The following TNNT3 variants were observed in gnomAD, a reference collection of about 807,000 sequenced individuals.
TNNT3 encodes the protein troponin T, fast skeletal muscle.
TNNT3 carries 36 observed loss-of-function variants against 54.2 expected under a neutral mutation model. That is an observed-to-expected ratio of 0.66 (90% CI 0.51 to 0.88). The LOEUF is 0.88. TNNT3 is among the 40% of genes least tolerant of loss of function. The pLI is 0.00. For synonymous variants in TNNT3, 120 were observed against 109.7 expected, an observed-to-expected ratio of 1.09 and a Z score of -0.59; for missense variants, 291 against 331.6, an observed-to-expected ratio of 0.88 and a Z score of 0.95.
intron 3 of TNNT3, 120 bp from the exon 4 acceptor site, chr11:1,923,435 T>C: frequency 4.5e-6 from 5 of 1,108,694 alleles, no homozygotes; most frequent in South Asian, 1.2e-5. Flanking sequence ...TTCCACGCTC[T>C]TGGGCAGGGG....
At chr11:1,923,087 T>C (rs923285171) in intron 3 of TNNT3, 26 bp downstream of exon 3, 1 of 1,613,920 alleles carries the variant, frequency 6.2e-7, no homozygotes, top group Non-Finnish European at 8.5e-7. Flanking sequence ...ATTTTCTTTC[T>C]ACTTCCTGCT....
At chr11:1,927,911 C>A (rs1852090217) in intron 6 of TNNT3, 1 of 152,340 alleles carries the variant, frequency 6.6e-6, no homozygotes, top group African/African-American at 2.4e-5. Context: ...GCTCAGGATG[C>A]CCCACCGCTC....
intron 8 of TNNT3, among the ~76,000 whole-genome samples, chr11:1,931,934 A>AGGAGGGGACTGCACACCCAGCC (rs1254869460): frequency 2.0e-5 from 3 of 152,078 alleles, no homozygotes; most frequent in Non-Finnish European, 4.4e-5. Flanking sequence ...TATTGGTGAG[A>AGGAGGGGACTGCACACCCAGCC]GGAGGGGACT....
chr11:1,926,580 T>C, intron 5 of TNNT3, 115 bp from the exon 6 acceptor site: 1 of 1,607,830 alleles, frequency 6.2e-7, no homozygotes, highest in South Asian at 1.1e-5. Context: ...CTGCACAGCC[T>C]GGCCTGCTCG....
At chr11:1,929,170 G>A in intron 7 of TNNT3, 27 bp downstream of exon 7, 1 of 1,611,886 alleles carries the variant, frequency 6.2e-7, no homozygotes, top group Non-Finnish European at 8.5e-7. Context: ...GCCGCCGGAG[G>A]TGCAGGACCC....
rs200704716 is a variant in TNNT3 at position 1,933,777 on chromosome 11, C to A, written c.228C>A (p.Asp76Glu). 13 of 1,612,984 alleles carry A rather than the reference C, an allele frequency of 8.1e-6. No individual in the cohort carries two copies. Among genetic ancestry groups the A allele is most frequent in the Non-Finnish European group, 1.1e-5 (13 of 1,179,936 alleles). The change falls in exon 10 of 16, where the codon GAC (aspartate) becomes GAA (glutamate). Residue 76 changes from aspartate (D) to glutamate (E), a missense_variant. By Grantham distance (45) the Asp-to-Glu change is conservative. Transcript: ENST00000278317. ...TAATGGAGCTCCAGGCCCTCATCGA[C>A]AGCCACTTTGAAGCCCGGAAGAAGG... is the stretch of plus-strand genomic sequence containing the variant. Reference protein sequence around the residue: ...KDLMELQALIDSHFEARKKEE... With the variant: ...KDLMELQALIESHFEARKKEE...
At position 1,929,208 on chromosome 11, in the gene TNNT3, G is replaced by A. The variant is rs1422247277; in HGVS notation, c.106+65G>A. The stretch of plus-strand genomic sequence containing the variant: ...GCTCTAGCCGACGCGAGGGAAAGAG[G>A]ACAGGCTGGGGTCTCTCGCTGCCCT... On this transcript the variant is annotated intron_variant, in intron 7 of 15. Transcript: ENST00000278317. 8.9e-6 allele frequency: 14 copies of A among 1,580,940 alleles called. No individual in the cohort carries two copies. The East Asian group carries it at 1.8e-4, about 20-fold the overall frequency.
At chr11:1,923,651 A>AC (rs1850715318) in intron 4 of TNNT3, 79 bp downstream of exon 4, 4 of 854,878 alleles carry the variant, frequency 4.7e-6, no homozygotes, top group South Asian at 4.0e-5. Context: ...CGCTCACAGA[A>AC]CCCCCTCCCC....
At chr11:1,932,539 C>T (rs1853695384) in intron 9 of TNNT3, 25 bp downstream of exon 9, 2 of 1,612,222 alleles carry the variant, frequency 1.2e-6, no homozygotes, top group African/African-American at 1.3e-5. Flanking sequence ...CTCTGGTTAA[C>T]ATGTCCACGG....
chr11:1,920,144 C>T (rs1335105327), intron 1 of TNNT3, among the ~76,000 whole-genome samples: 1 of 152,146 alleles, frequency 6.6e-6, no homozygotes, highest in African/African-American at 2.4e-5. Flanking sequence ...GCTGCCAGGG[C>T]TTAGGTTGCC....
chr11:1,922,828 T>C (rs749357705), intron 1 of TNNT3, 29 bp from the exon 2 acceptor site: 2 of 1,603,240 alleles, frequency 1.2e-6, no homozygotes, highest in South Asian at 2.2e-5. Flanking sequence ...ATCCTCTCTC[T>C]CTCTCTCTCT....
chr11:1,924,801 A>T, intron 4 of TNNT3: 1 of 583,736 alleles, frequency 1.7e-6, no homozygotes. Flanking sequence ...AGGCGCCTCC[A>T]GGCATGGGAA....
chr11:1,920,089 G>A (rs1849747298), intron 1 of TNNT3, among the ~76,000 whole-genome samples: 1 of 152,196 alleles, frequency 6.6e-6, no homozygotes, highest in East Asian at 1.9e-4. Context: ...GCAGGAGGCA[G>A]AGAGGTGCGG....
chr11:1,936,917 G>A (rs1855262351), intron 14 of TNNT3, 46 bp from the exon 15 acceptor site: 2 of 1,576,840 alleles, frequency 1.3e-6, no homozygotes, highest in African/African-American at 1.3e-5. Context: ...GTACACGCAG[G>A]CCTGGCCCTC....
intron 7 of TNNT3, among the ~76,000 whole-genome samples, chr11:1,929,346 T>C (rs1398445228): frequency 6.6e-6 from 1 of 152,072 alleles, no homozygotes; most frequent in Non-Finnish European, 1.5e-5. Flanking sequence ...GCCTCGCGGG[T>C]GCCACCGCTC....
chr11:1,937,221 A>AGAGTCAG (rs1465739317), intron 15 of TNNT3, among the ~76,000 whole-genome samples: 18 of 152,054 alleles, frequency 1.2e-4, no homozygotes, highest in Admixed American at 5.2e-4. Context: ...GGGGGGTGGC[A>AGAGTCAG]GAGTCAGGAG....
chr11:1,938,198 AG>A, intron 15 of TNNT3: 2 of 573,736 alleles, frequency 3.5e-6, no homozygotes, highest in South Asian at 3.9e-5. Context: ...AAAGGAGGAC[AG>A]AGGGAGGGTG....
chr11:1,934,454 CGCT>C lies in TNNT3; in HGVS notation c.480+14_480+16del. On this transcript the variant is annotated intron_variant, in intron 12 of 15. Coordinates refer to ENST00000278317, the MANE Select transcript of TNNT3 (RefSeq NM_006757.4). ...GCAGCTACCTGGCCAAGGTGTGTGC[CGCT>C]GCTGGGAGCACGGTGGTAGCCTTCA... 6.2e-7 allele frequency: 1 copy of C among 1,612,650 alleles called. No individual in the cohort carries two copies. The highest frequency in any genetic ancestry group is 8.5e-7 in the Non-Finnish European group (1 of 1,179,388).
intron 15 of TNNT3, among the ~76,000 whole-genome samples, chr11:1,937,675 G>C (rs944825114): frequency 4.7e-4 from 72 of 152,308 alleles, no homozygotes; most frequent in African/African-American, 1.7e-3. Context: ...GAGTTTCGAT[G>C]TTTTCTGGGA....
Sources: gnomAD v4.1 joint callset for allele counts (sites outside exome capture counted in the v4.1 genomes callset) on GRCh38, gnomAD v4.1.1 for gene constraint, MANE v1.5 for transcripts, NCBI Gene and HGNC (gene_info 2026-07-23, HGNC 2026-07-21) for gene names.